KLRG1: variants seen among roughly 807,000 people sequenced by gnomAD.
The protein encoded by KLRG1 is killer cell lectin like receptor G1.
KLRG1 carries 16 observed loss-of-function variants against 21.8 expected under a neutral mutation model. That is an observed-to-expected ratio of 0.73 (90% confidence interval 0.50 to 1.11). KLRG1 has a LOEUF of 1.11. KLRG1 is among the 50% of genes most tolerant of loss of function. KLRG1 has a pLI of 0.00. For synonymous variants in KLRG1, 69 were observed against 75.9 expected, an observed-to-expected ratio of 0.91 and a Z score of 0.47; for missense variants, 173 against 218.3, an observed-to-expected ratio of 0.79 and a Z score of 1.31.
At chr12:9,029,150 G>T in the KLRG1 span, 1 of 295,566 alleles carries the variant, frequency 3.4e-6, no homozygotes, top group Non-Finnish European at 6.5e-6. Flanking sequence ...GGGCAGAAAG[G>T]CAAAATCTAT....
the KLRG1 span, among the ~76,000 whole-genome samples, chr12:9,043,429 C>T: frequency 6.6e-6 from 1 of 152,160 alleles, no homozygotes; most frequent in Non-Finnish European, 1.5e-5. Flanking sequence ...ATCTTGTCTC[C>T]TGTGCTCAAG....
the KLRG1 span, chr12:9,077,996 T>G: frequency 1.0e-6 from 1 of 972,338 alleles, no homozygotes; most frequent in Non-Finnish European, 1.5e-6. Context: ...TTGATTAATC[T>G]TTAGTCTGCC....
the KLRG1 span, among the ~76,000 whole-genome samples, chr12:9,070,292 T>A: frequency 2.0e-5 from 3 of 152,242 alleles, no homozygotes; most frequent in East Asian, 5.8e-4. Context: ...TTTCTTGTAG[T>A]CATGGGTCCT....
At chr12:9,180,858 C>G in the KLRG1 span, 8 of 960,076 alleles carry the variant, frequency 8.3e-6, no homozygotes, top group Non-Finnish European at 1.2e-5. Flanking sequence ...TCAGAGTGAA[C>G]AGGCAACCTA....
At chr12:9,104,281 A>G in the KLRG1 span, 3 of 1,612,974 alleles carry the variant, frequency 1.9e-6, no homozygotes, top group Non-Finnish European at 2.5e-6. Flanking sequence ...TGGTGTTGAT[A>G]GAGAACTGTA....
At chr12:9,061,635 G>A in the KLRG1 span, among the ~76,000 whole-genome samples, 10 of 152,012 alleles carry the variant, frequency 6.6e-5, no homozygotes, top group Non-Finnish European at 1.3e-4. Flanking sequence ...GCAGCATAGC[G>A]AGACCCTATC....
the KLRG1 span, among the ~76,000 whole-genome samples, chr12:9,143,940 T>C: frequency 2.2e-3 from 332 of 152,326 alleles, no homozygotes; most frequent in Non-Finnish European, 3.7e-3. Context: ...CAGAATCCTC[T>C]TTCTAAAGAG....
At chr12:9,176,886 C>G in the KLRG1 span, among the ~76,000 whole-genome samples, 18 of 152,224 alleles carry the variant, frequency 1.2e-4, no homozygotes, top group Middle Eastern at 3.4e-3. Context: ...AGGTATTGTA[C>G]CTGAGGAATC....
chr12:9,107,463 C>A, the KLRG1 span: 1 of 1,585,822 alleles, frequency 6.3e-7, no homozygotes, highest in East Asian at 2.3e-5. Context: ...AATGCTGCAA[C>A]TCACTGCTTT....
the KLRG1 span, among the ~76,000 whole-genome samples, chr12:9,208,963 T>C: frequency 6.6e-6 from 1 of 152,200 alleles, no homozygotes; most frequent in Non-Finnish European, 1.5e-5. Flanking sequence ...ATTGACCTGA[T>C]CAGATTCTTA....
At chr12:9,109,252 T>C in the KLRG1 span, 1 of 1,329,038 alleles carries the variant, frequency 7.5e-7, no homozygotes, top group South Asian at 1.3e-5. Flanking sequence ...AGAGAGTAGT[T>C]AAAATATCCC....
chr12:9,053,255 G>T, the KLRG1 span, among the ~76,000 whole-genome samples: 2 of 152,238 alleles, frequency 1.3e-5, no homozygotes, highest in South Asian at 4.2e-4. Flanking sequence ...GAGCTACCAG[G>T]AAAGGCTGTG....
the KLRG1 span, among the ~76,000 whole-genome samples, chr12:9,026,941 G>A: frequency 6.6e-6 from 1 of 151,556 alleles, no homozygotes; most frequent in African/African-American, 2.4e-5. Context: ...CTGTAGCCTC[G>A]ACCTCTTGTG....
the KLRG1 span, among the ~76,000 whole-genome samples, chr12:9,144,435 G>A: frequency 6.6e-6 from 1 of 152,172 alleles, no homozygotes; most frequent in Admixed American, 6.5e-5. Flanking sequence ...AGGATCCAGT[G>A]GGATGAGCTG....
the KLRG1 span, chr12:9,069,868 A>G: frequency 1.3e-4 from 199 of 1,530,110 alleles, no homozygotes; most frequent in African/African-American, 2.4e-3. Context: ...CCCCTGGGGG[A>G]TCCAGAGAAA....
chr12:9,097,343 T>C, the KLRG1 span, among the ~76,000 whole-genome samples: 1 of 152,174 alleles, frequency 6.6e-6, no homozygotes, highest in Non-Finnish European at 1.5e-5. Flanking sequence ...TAAATTATGG[T>C]AGTAGAAAAA....
chr12:9,150,647 T>A, the KLRG1 span: 1 of 1,593,484 alleles, frequency 6.3e-7, no homozygotes, highest in South Asian at 1.1e-5. Flanking sequence ...CACTCACCTG[T>A]CTCATAGTAA....
chr12:9,175,417 T>C, the KLRG1 span, among the ~76,000 whole-genome samples: 1 of 152,032 alleles, frequency 6.6e-6, no homozygotes, highest in Non-Finnish European at 1.5e-5. Flanking sequence ...GATTTCATGA[T>C]GAAAATGCCA....
At chr12:9,054,069 C>G in the KLRG1 span, among the ~76,000 whole-genome samples, 1 of 152,206 alleles carries the variant, frequency 6.6e-6, no homozygotes, top group African/African-American at 2.4e-5. Context: ...GAACGTTAAA[C>G]CCTTTCTCTG....
Sources: gnomAD v4.1 joint callset for allele counts (sites outside exome capture counted in the v4.1 genomes callset) on GRCh38, gnomAD v4.1.1 for gene constraint, MANE v1.5 for transcripts, NCBI Gene and HGNC (gene_info 2026-07-23, HGNC 2026-07-21) for gene names.